METTL15: variants seen among roughly 807,000 people sequenced by gnomAD.
METTL15 encodes methyltransferase 15, mitochondrial 12S rRNA N4-cytidine, also known as 12S rRNA N(4)-cytidine methyltransferase METTL15.
In METTL15, 34 loss-of-function variants were observed where a neutral mutation model predicts 38.3. The ratio of observed to expected loss-of-function variants is 0.89; its 90% CI spans 0.68 to 1.18. The LOEUF is 1.18. Among genes scored for constraint, METTL15 ranks in the 50% most tolerant of loss-of-function variants. METTL15 has a pLI of 0.00. For missense variants in METTL15, 438 were observed against 498.4 expected, an observed-to-expected ratio of 0.88 and a Z score of 1.15; for synonymous variants, 162 against 170.9, an observed-to-expected ratio of 0.95 and a Z score of 0.41.
At chr11:28,383,407 A>T (rs1850409094) in intron 5 of METTL15, among the ~76,000 whole-genome samples, 1 of 152,182 alleles carries the variant, frequency 6.6e-6, no homozygotes. Flanking sequence ...TGGTATTGTG[A>T]ATAGTGCTGG....
chr11:28,280,614 T>C (rs941275462), intron 4 of METTL15, among the ~76,000 whole-genome samples: 1 of 151,994 alleles, frequency 6.6e-6, no homozygotes, highest in East Asian at 1.9e-4. Context: ...TCTTTCCTCT[T>C]TTTTGGAATT....
At chr11:28,294,082 C>G (rs1182667681) in intron 5 of METTL15, among the ~76,000 whole-genome samples, 1 of 152,136 alleles carries the variant, frequency 6.6e-6, no homozygotes, top group Non-Finnish European at 1.5e-5. Context: ...ACGAGAACTT[C>G]CAACACTATG....
In METTL15 at chr11:28,304,485, A is replaced by G. The variant is rs190731376; in HGVS notation, c.778+7554A>G. ...ATACTGCAAGCACTTTGGGAGGCCA[A>G]AGCAAGCTGATCTTGAGTCCAGGAG... On this transcript the variant is annotated intron_variant, in intron 6 of 6. Transcript: ENST00000407364. Among the ~76,000 whole-genome samples, 8 of 152,214 alleles carry G rather than the reference A, an allele frequency of 5.3e-5. No individual in the cohort carries two copies. The East Asian group carries it at 5.8e-4, about 11-fold the overall frequency.
intron 6 of METTL15, among the ~76,000 whole-genome samples, chr11:28,301,800 A>T (rs1437029488): frequency 6.6e-6 from 1 of 152,156 alleles, no homozygotes; most frequent in Non-Finnish European, 1.5e-5. Flanking sequence ...ATAAACATCA[A>T]GATTATAAGC....
At chr11:28,190,528 T>C (rs183885774) in intron 3 of METTL15, among the ~76,000 whole-genome samples, 91 of 151,324 alleles carry the variant, frequency 6.0e-4, no homozygotes, top group Non-Finnish European at 1.0e-3. Flanking sequence ...AATTACAAAT[T>C]ATTTGAATGT....
intron 4 of METTL15, chr11:28,287,521 C>T (rs1019158846): frequency 4.1e-5 from 14 of 340,576 alleles, no homozygotes; most frequent in East Asian, 2.8e-4. Context: ...ATTGAGAAAC[C>T]GGACAATAAC....
intron 6 of METTL15, among the ~76,000 whole-genome samples, chr11:28,470,114 T>C (rs761719171): frequency 4.0e-4 from 61 of 152,264 alleles, no homozygotes; most frequent in Admixed American, 1.6e-3. Flanking sequence ...TAGCAGGCCA[T>C]TGGTAATAAT....
intron 3 of METTL15, among the ~76,000 whole-genome samples, chr11:28,172,802 C>G (rs1850905809): frequency 6.6e-6 from 1 of 152,146 alleles, no homozygotes; most frequent in Non-Finnish European, 1.5e-5. Flanking sequence ...AATGAATAGA[C>G]AGAAAATAGC....
At position 28,279,957 on chromosome 11, in the gene METTL15, T is replaced by C. The variant is rs1345869369; in HGVS notation, c.408-10249T>C. 2.0e-5 allele frequency among the ~76,000 whole-genome samples: 3 copies of C among 152,178 alleles called. No homozygotes were observed. The East Asian group carries it at 5.8e-4, about 29-fold the overall frequency. ...GGAAGGCTAACATAAATTAGTAATT[T>C]TACCTCTTCCAGGACATTGTAATTG... On this transcript the variant is annotated intron_variant, in intron 4 of 6. Coordinates refer to ENST00000407364, the MANE Select transcript of METTL15 (RefSeq NM_001113528.2).
intron 3 of METTL15, among the ~76,000 whole-genome samples, chr11:28,114,266 A>T (rs368797122): frequency 1.3e-5 from 2 of 152,128 alleles, no homozygotes; most frequent in African/African-American, 4.8e-5. Context: ...TCTTTTACTC[A>T]GCATGTTTTC....
chr11:28,109,033 A>G (rs1198338665), intron 1 of METTL15, among the ~76,000 whole-genome samples: 1 of 152,254 alleles, frequency 6.6e-6, no homozygotes, highest in Non-Finnish European at 1.5e-5. Flanking sequence ...TAGACACAAT[A>G]GTATGCAATG....
intron 4 of METTL15, among the ~76,000 whole-genome samples, chr11:28,234,823 G>A (rs1853869277): frequency 6.9e-6 from 1 of 145,652 alleles, no homozygotes; most frequent in African/African-American, 2.6e-5. Context: ...GATCCCATTT[G>A]TCAATTTTGG....
At chr11:28,378,333 C>T (rs1357297614) in intron 5 of METTL15, among the ~76,000 whole-genome samples, 5 of 152,208 alleles carry the variant, frequency 3.3e-5, no homozygotes, top group African/African-American at 1.2e-4. Flanking sequence ...ACCCTCTGAG[C>T]CAGGTGCGGG....
At chr11:28,432,566 G>A (rs1850941649) in intron 6 of METTL15, among the ~76,000 whole-genome samples, 1 of 152,204 alleles carries the variant, frequency 6.6e-6, no homozygotes, top group African/African-American at 2.4e-5. Flanking sequence ...AAACGAGAAA[G>A]AGTTTTAGTG....
intron 4 of METTL15, among the ~76,000 whole-genome samples, chr11:28,215,362 T>C (rs1278499031): frequency 6.6e-6 from 1 of 152,132 alleles, no homozygotes; most frequent in Non-Finnish European, 1.5e-5. Context: ...TTTTAGGCTT[T>C]AAAGCTGGCT....
intron 5 of METTL15, among the ~76,000 whole-genome samples, chr11:28,385,412 T>C (rs1850429719): frequency 1.3e-5 from 2 of 152,186 alleles, no homozygotes; most frequent in South Asian, 2.1e-4. Flanking sequence ...TTTTTTCCAC[T>C]GCTTGTTTTT....
chr11:28,431,808 GAA>G (rs1186274147), intron 6 of METTL15, among the ~76,000 whole-genome samples: 49,074 of 87,500 alleles, frequency 0.56, 13,291 homozygotes, highest in Admixed American at 0.69. Context: ...AAAAAAAAAA[GAA>G]AAAAAAAAAA....
intron 3 of METTL15, among the ~76,000 whole-genome samples, chr11:28,175,212 C>T (rs1851019836): frequency 6.6e-6 from 1 of 151,910 alleles, no homozygotes; most frequent in African/African-American, 2.4e-5. Flanking sequence ...GTTTTTTGTC[C>T]TTGCGATAGT....
At chr11:28,406,626 G>T (rs1363411526) in intron 5 of METTL15, among the ~76,000 whole-genome samples, 1 of 152,116 alleles carries the variant, frequency 6.6e-6, no homozygotes. Context: ...TATGTCATCT[G>T]CAAATAGAGA....
Sources: gnomAD v4.1 joint callset for allele counts (sites outside exome capture counted in the v4.1 genomes callset) on GRCh38, gnomAD v4.1.1 for gene constraint, MANE v1.5 for transcripts, NCBI Gene and HGNC (gene_info 2026-07-23, HGNC 2026-07-21) for gene names.